The following NFIB variants were observed in gnomAD, a reference collection of about 807,000 sequenced individuals.
NFIB encodes nuclear factor 1 B-type.
In NFIB, 11 loss-of-function variants were observed where a neutral mutation model predicts 61.5. The ratio of observed to expected loss-of-function variants is 0.18; its 90% CI spans 0.11 to 0.30. The LOEUF (loss-of-function observed/expected upper bound fraction) is 0.30, where lower values mean the gene tolerates loss of function less well. Ranked by LOEUF, NFIB falls within the 10% of genes least tolerant of loss-of-function variation. The pLI is 1.00. For missense variants in NFIB, 471 were observed against 608.9 expected, an observed-to-expected ratio of 0.77 and a Z score of 2.38; for synonymous variants, 260 against 216.5, an observed-to-expected ratio of 1.20 and a Z score of -1.76.
intron 2 of NFIB, among the ~76,000 whole-genome samples, chr9:14,297,044 A>C (rs945040368): frequency 2.0e-5 from 3 of 152,208 alleles, no homozygotes; most frequent in Non-Finnish European, 4.4e-5. Flanking sequence ...CCCTGCCCAC[A>C]CACACACCCA....
rs190177081 is a variant in NFIB at position 14,384,266 on chromosome 9, T to C, written c.108+14258A>G. On this transcript the variant is annotated intron_variant, in intron 1 of 8. Transcript: ENST00000380934. ...TTCCCCACCCAAGTTGTGCTCCAAATAGAAAGAATTTCAGATGTACATATT... is the reference window on the plus strand; with the variant it reads ...TTCCCCACCCAAGTTGTGCTCCAAACAGAAAGAATTTCAGATGTACATATT... Among the ~76,000 whole-genome samples the C allele has an allele frequency of 3.2e-3, 481 of 152,284 alleles. 1 individual carries two copies. The highest frequency in any genetic ancestry group is 0.011 in the African/African-American group (441 of 41,550).
chr9:14,502,842 T>C, the NFIB span, among the ~76,000 whole-genome samples: 2 of 152,162 alleles, frequency 1.3e-5, no homozygotes, highest in Admixed American at 6.5e-5. Context: ...ACCTGAGCAG[T>C]GTACACTGTA....
chr9:14,515,413 G>A, the NFIB span, among the ~76,000 whole-genome samples: 6 of 152,128 alleles, frequency 3.9e-5, no homozygotes, highest in Non-Finnish European at 8.8e-5. Context: ...TGTTAAAGTG[G>A]GGAAATTGGG....
chr9:14,441,418 T>C, the NFIB span, among the ~76,000 whole-genome samples: 49 of 152,296 alleles, frequency 3.2e-4, no homozygotes, highest in African/African-American at 1.1e-3. Flanking sequence ...TTCTCATTAT[T>C]TGTGTAGTGA....
intron 7 of NFIB, among the ~76,000 whole-genome samples, chr9:14,125,275 A>G (rs2039486268): frequency 6.6e-6 from 1 of 152,152 alleles, no homozygotes; most frequent in African/African-American, 2.4e-5. Flanking sequence ...CTCCTGCCTC[A>G]GCCTCCTGAG....
the NFIB span, among the ~76,000 whole-genome samples, chr9:14,427,556 A>G: frequency 6.6e-6 from 1 of 152,172 alleles, no homozygotes; most frequent in Non-Finnish European, 1.5e-5. Flanking sequence ...CCACTATGCT[A>G]CACTACACAA....
the NFIB span, among the ~76,000 whole-genome samples, chr9:14,510,828 T>C: frequency 1.3e-5 from 2 of 152,222 alleles, no homozygotes; most frequent in Non-Finnish European, 2.9e-5. Context: ...ATGTGTTTTT[T>C]TATGTTCTTA....
At chr9:14,132,560 T>C (rs2040522543) in intron 6 of NFIB, among the ~76,000 whole-genome samples, 1 of 152,060 alleles carries the variant, frequency 6.6e-6, no homozygotes, top group Non-Finnish European at 1.5e-5. Flanking sequence ...GTAAATTTCA[T>C]TTATTTATTT....
chr9:14,285,225 C>T (rs1291798004), intron 2 of NFIB, among the ~76,000 whole-genome samples: 7 of 152,240 alleles, frequency 4.6e-5, no homozygotes, highest in African/African-American at 1.4e-4. Context: ...CAGGTTCAAG[C>T]GATTCTCCTG....
chr9:14,129,046 T>A (rs1250552180), intron 6 of NFIB, among the ~76,000 whole-genome samples: 1 of 152,182 alleles, frequency 6.6e-6, no homozygotes, highest in Non-Finnish European at 1.5e-5. Context: ...GGCATGCACC[T>A]AATAATAACG....
chr9:14,148,374 A>G (rs1007476317), intron 5 of NFIB, among the ~76,000 whole-genome samples: 1 of 152,122 alleles, frequency 6.6e-6, no homozygotes, highest in Non-Finnish European at 1.5e-5. Context: ...TGGGCCTCCC[A>G]AAGTACTGGG....
intron 1 of NFIB, among the ~76,000 whole-genome samples, chr9:14,369,223 G>A (rs1342777863): frequency 4.6e-5 from 7 of 152,186 alleles, no homozygotes; most frequent in African/African-American, 9.7e-5. Context: ...GTTCAGACTT[G>A]TGTCTGCATC....
At chr9:14,203,547 G>A (rs1362519241) in intron 2 of NFIB, among the ~76,000 whole-genome samples, 1 of 152,142 alleles carries the variant, frequency 6.6e-6, no homozygotes, top group African/African-American at 2.4e-5. Flanking sequence ...TTGGCACGGA[G>A]CGACTGCAGT....
intron 2 of NFIB, among the ~76,000 whole-genome samples, chr9:14,247,342 C>T (rs184147644): frequency 6.6e-6 from 1 of 152,290 alleles, no homozygotes; most frequent in African/African-American, 2.4e-5. Flanking sequence ...ACAGACAGAT[C>T]CAGCTAATGG....
intron 2 of NFIB, among the ~76,000 whole-genome samples, chr9:14,236,858 A>G (rs192112864): frequency 3.3e-5 from 5 of 152,082 alleles, no homozygotes; most frequent in South Asian, 2.1e-4. Context: ...TTTAAAAAAA[A>G]AAAAATAAAA....
At chr9:14,438,995 T>G in the NFIB span, among the ~76,000 whole-genome samples, 1 of 152,156 alleles carries the variant, frequency 6.6e-6, no homozygotes, top group African/African-American at 2.4e-5. Flanking sequence ...GAAAGAAAAG[T>G]GTCGGCCGGA....
At chr9:14,375,413 T>C (rs552940171) in intron 1 of NFIB, among the ~76,000 whole-genome samples, 1 of 152,286 alleles carries the variant, frequency 6.6e-6, no homozygotes, top group South Asian at 2.1e-4. Flanking sequence ...ATCCCAGCAC[T>C]TTGGGAGGCC....
chr9:14,103,481 T>C (rs1587198662), intron 10 of NFIB, among the ~76,000 whole-genome samples: 1 of 152,142 alleles, frequency 6.6e-6, no homozygotes, highest in South Asian at 2.1e-4. Context: ...TCAGTGAGAA[T>C]TTCCAGATGA....
At chr9:14,188,472 G>C (rs1327246414) in intron 2 of NFIB, among the ~76,000 whole-genome samples, 2 of 152,176 alleles carry the variant, frequency 1.3e-5, no homozygotes, top group African/African-American at 2.4e-5. Context: ...TCGCACTAGA[G>C]AGAAATAAAC....
Sources: gnomAD v4.1 joint callset for allele counts (sites outside exome capture counted in the v4.1 genomes callset) on GRCh38, gnomAD v4.1.1 for gene constraint, MANE v1.5 for transcripts, NCBI Gene and HGNC (gene_info 2026-07-23, HGNC 2026-07-21) for gene names.